Variants in WRNIP1 observed in about 807,000 individuals in gnomAD.
WRNIP1 encodes the protein WRN helicase interacting protein 1.
Under a neutral mutation model 56.1 loss-of-function variants are expected in WRNIP1, and 41 were observed. The ratio of observed to expected loss-of-function variants is 0.73; its 90% CI spans 0.57 to 0.95. WRNIP1 has a LOEUF of 0.95. WRNIP1 is among the 40% of genes least tolerant of loss of function. The pLI, the probability that WRNIP1 is intolerant of heterozygous loss-of-function variation, is 0.00. For missense variants in WRNIP1, 1,170 were observed against 939.4 expected (o/e 1.25, Z -3.21); for synonymous variants, 547 against 398.1 (o/e 1.37, Z -4.45).
At position 2,783,508 on chromosome 6, in the gene WRNIP1, A is replaced by G. The variant is rs2113485084; in HGVS notation, c.1589A>G (p.Glu530Gly). The change falls in exon 5 of 7, where the codon GAG (glutamate) becomes GGG (glycine). Residue 530 changes from glutamate to glycine, a missense_variant. Glu to Gly is a moderately conservative substitution (Grantham distance 98). Transcript: ENST00000380773. ...CTGGCTCGCATGCTCGAGGGAGGAGAGGACCCACTCTACGTGGCACGGAGG... is the reference window on the plus strand; with the variant it reads ...CTGGCTCGCATGCTCGAGGGAGGAGGGGACCCACTCTACGTGGCACGGAGG... ...YWLARMLEGG[E>G]DPLYVARRLV... The G allele has an allele frequency of 6.2e-7, 1 of 1,613,634 alleles. No individual in the cohort carries two copies. Among genetic ancestry groups the G allele is most frequent in the Non-Finnish European group, 8.5e-7 (1 of 1,179,908 alleles).
rs766293964 is a variant in WRNIP1 at position 2,766,203 on chromosome 6, C to T, written c.581C>T (p.Ala194Val). Reference sequence around the variant, plus strand: ...CCGGGGCACTGGGACGCGGACGCTGCCGAAGCCGCCACCGCCTTCGGGGCC... The same window carrying T: ...CCGGGGCACTGGGACGCGGACGCTGTCGAAGCCGCCACCGCCTTCGGGGCC... ...DDPGHWDADAAEAATAFGASG... is the reference protein window; with the variant it reads ...DDPGHWDADAVEAATAFGASG... Residue 194 changes from alanine to valine, a missense_variant, in exon 1 of 7, where the codon GCC becomes GTC. Physicochemically the swap from Ala to Val is moderately conservative, Grantham distance 64. Transcript: ENST00000380773. 959 of 1,439,488 alleles carry T rather than the reference C, an allele frequency of 6.7e-4. 4 individuals are homozygous for T. Among genetic ancestry groups the T allele is most frequent in the Non-Finnish European group, 8.1e-4 (881 of 1,094,362 alleles). The allele number at this position is 1,439,488 out of a possible 1,614,324, so 89.2% of individuals were successfully genotyped here. A position where few individuals can be genotyped will look rare whatever the true frequency, so the allele number is the denominator to read the frequency against.
rs914215302 is a variant in WRNIP1 at position 2,766,014 on chromosome 6, C to G, written c.392C>G (p.Ser131Cys). The change falls in exon 1 of 7, where the codon TCC becomes TGC. Residue 131 changes from serine to cysteine, a missense_variant. By Grantham distance (112) the Ser-to-Cys change is moderately radical. Coordinates refer to ENST00000380773, the MANE Select transcript of WRNIP1 (RefSeq NM_020135.3). ...RLIPDFPVAR[S>C]SSPGRKGSGK... ...ATCCCCGACTTCCCGGTGGCCCGCT[C>G]CAGCAGCCCCGGGAGGAAGGGGTCG... 2.0e-5 allele frequency: 27 copies of G among 1,339,726 alleles called. No individual in the cohort carries two copies. Among genetic ancestry groups the G allele is most frequent in the Non-Finnish European group, 2.4e-5 (25 of 1,045,246 alleles). 83.0% of individuals were successfully genotyped at this position (1,339,726 alleles called of 1,614,324 possible). A position where few individuals can be genotyped will look rare whatever the true frequency, so the allele number is the denominator to read the frequency against.
At chr6:2,779,213 A>G in intron 3 of WRNIP1, 50 bp from the exon 4 acceptor site, 1 of 1,580,624 alleles carries the variant, frequency 6.3e-7, no homozygotes, top group Non-Finnish European at 8.7e-7. Context: ...GTGCAGAACA[A>G]GAAGTATGCA....
intron 4 of WRNIP1, among the ~76,000 whole-genome samples, chr6:2,779,806 G>A (rs1428892312): frequency 1.3e-5 from 2 of 152,214 alleles, no homozygotes; most frequent in East Asian, 3.8e-4. Context: ...ACCTTTGAAA[G>A]CCTGTGCATT....
At chr6:2,768,952 T>C (rs1765159223) in intron 2 of WRNIP1, 70 bp downstream of exon 2, 4 of 1,450,518 alleles carry the variant, frequency 2.8e-6, no homozygotes, top group South Asian at 1.4e-5. Flanking sequence ...GAGATCACTA[T>C]ACAAACGCTA....
At chr6:2,778,588 G>T (rs1015631426) in intron 3 of WRNIP1, among the ~76,000 whole-genome samples, 5 of 152,150 alleles carry the variant, frequency 3.3e-5, no homozygotes, top group African/African-American at 1.2e-4. Flanking sequence ...CGCTTCCCAG[G>T]CTAATGACCT....
chr6:2,773,658 G>A (rs1245029977), intron 3 of WRNIP1: 3 of 985,358 alleles, frequency 3.0e-6, no homozygotes, highest in Non-Finnish European at 3.6e-6. Context: ...ATGAGCTTGT[G>A]CTGCTGAAAA....
At chr6:2,781,992 C>T (rs746748976) in intron 4 of WRNIP1, among the ~76,000 whole-genome samples, 2 of 152,234 alleles carry the variant, frequency 1.3e-5, no homozygotes, top group Non-Finnish European at 2.9e-5. Context: ...GGTGGTATTG[C>T]CCCTGGCATT....
At chr6:2,768,911 C>T (rs1413429903) in intron 2 of WRNIP1, 29 bp downstream of exon 2, 3 of 1,578,040 alleles carry the variant, frequency 1.9e-6, no homozygotes, top group African/African-American at 2.7e-5. Context: ...ACCTTTTGGT[C>T]GTTGTGAACA....
rs1765135492 is a variant in WRNIP1 at position 2,768,637 on chromosome 6, G to T, written c.823-54G>T. On this transcript the variant is annotated intron_variant, in intron 1 of 6. Coordinates refer to ENST00000380773, the MANE Select transcript of WRNIP1 (RefSeq NM_020135.3). ...GCGTGTGGTGGTTCCCATGGGTGCT[G>T]GTCTCTCTGTGTCTTACCAGCTTTT... is the stretch of plus-strand genomic sequence containing the variant. 1.4e-5 allele frequency: 21 copies of T among 1,481,190 alleles called. No homozygotes were observed. In the South Asian group the frequency reaches 2.8e-4, roughly 20 times the overall value. 91.8% of individuals were successfully genotyped at this position (1,481,190 alleles called of 1,614,324 possible).
At chr6:2,781,685 T>C (rs1765564360) in intron 4 of WRNIP1, among the ~76,000 whole-genome samples, 2 of 152,242 alleles carry the variant, frequency 1.3e-5, no homozygotes, top group South Asian at 2.1e-4. Flanking sequence ...CGGGGTTCTA[T>C]AGAAGTCGTC....
In WRNIP1 at chr6:2,766,363, C is replaced by G; in HGVS notation, c.741C>G (p.Gly247=). 2.5e-6 allele frequency: 4 copies of G among 1,609,916 alleles called. No individual in the cohort carries two copies. Among genetic ancestry groups the G allele is most frequent in the South Asian group, 1.1e-5 (1 of 90,370 alleles). ...QDYFGQSKAV[G]QDTLLRSLLE... ...ACTTCGGGCAGAGCAAGGCCGTGGG[C>G]CAGGATACCCTGCTGCGCTCGCTCC... Residue 247 remains glycine, a synonymous_variant, in exon 1 of 7, where the codon GGC becomes GGG. Coordinates refer to ENST00000380773, the MANE Select transcript of WRNIP1 (RefSeq NM_020135.3).
At position 2,765,495 on chromosome 6, in the gene WRNIP1, C is replaced by G. The variant is rs966815098; in HGVS notation, c.-128C>G. On this transcript the variant is annotated 5_prime_UTR_variant, in exon 1 of 7. Coordinates refer to ENST00000380773, the MANE Select transcript of WRNIP1 (RefSeq NM_020135.3). ...GCATGAGCGGCGCCCTCCTCCGGCC[C>G]GCGAGCGTCCTGCTGGTTCCCCGAG... 1.7e-6 allele frequency: 2 copies of G among 1,196,408 alleles called. No individual in the cohort carries two copies. The highest frequency in any genetic ancestry group is 2.1e-6 in the Non-Finnish European group (2 of 949,000). 74.1% of individuals were successfully genotyped at this position (1,196,408 alleles called of 1,614,324 possible).
At chr6:2,773,686 A>G (rs1765364141) in intron 3 of WRNIP1, 5 of 985,374 alleles carry the variant, frequency 5.1e-6, no homozygotes, top group South Asian at 4.7e-5. Context: ...GTAAGCTAGC[A>G]TTTCGTCATC....
At chr6:2,768,257 C>T (rs764758072) in intron 1 of WRNIP1, among the ~76,000 whole-genome samples, 15 of 152,116 alleles carry the variant, frequency 9.9e-5, no homozygotes, top group Non-Finnish European at 2.2e-4. Context: ...CCTGAGCTTC[C>T]AGTTCGGGCT....
intron 4 of WRNIP1, among the ~76,000 whole-genome samples, chr6:2,782,498 G>A (rs1286252429): frequency 6.6e-6 from 1 of 152,260 alleles, no homozygotes; most frequent in Non-Finnish European, 1.5e-5. Context: ...GCTGGCGCCA[G>A]TCGTATTGTG....
intron 3 of WRNIP1, 152 bp from the exon 4 acceptor site, chr6:2,779,111 G>A (rs1300745097): frequency 2.6e-6 from 2 of 770,874 alleles, no homozygotes; most frequent in Non-Finnish European, 4.2e-6. Flanking sequence ...TAGTCTTGAT[G>A]ATGCTTAAGC....
At chr6:2,776,936 A>AATGTTG (rs1342131584) in intron 3 of WRNIP1, among the ~76,000 whole-genome samples, 2 of 152,202 alleles carry the variant, frequency 1.3e-5, no homozygotes, top group Non-Finnish European at 2.9e-5. Context: ...TTTTAAAGTA[A>AATGTTG]ATGTTGACAG....
intron 1 of WRNIP1, among the ~76,000 whole-genome samples, chr6:2,767,761 C>A (rs1765089895): frequency 6.6e-6 from 1 of 152,204 alleles, no homozygotes; most frequent in African/African-American, 2.4e-5. Flanking sequence ...GTGAGCTCAT[C>A]CCACCTACCA....
Sources: gnomAD v4.1 joint callset for allele counts (sites outside exome capture counted in the v4.1 genomes callset) on GRCh38, gnomAD v4.1.1 for gene constraint, MANE v1.5 for transcripts, NCBI Gene and HGNC (gene_info 2026-07-23, HGNC 2026-07-21) for gene names.